PARD3B: variants seen among roughly 807,000 people sequenced by gnomAD.
PARD3B encodes the protein par-3 family cell polarity regulator beta.
A neutral mutation model predicts 130.2 loss-of-function variants in PARD3B; 103 were observed. The observed-to-expected ratio is 0.79, with a 90% CI of 0.67 to 0.93. The LOEUF is 0.93. Among genes scored for constraint, PARD3B ranks in the 40% least tolerant of loss-of-function variants. PARD3B has a pLI of 0.00. For synonymous variants in PARD3B, 583 were observed against 553.2 expected (o/e 1.05, Z -0.76); for missense variants, 1,609 against 1,499.2 (o/e 1.07, Z -1.21).
At chr2:205,028,404 T>C (rs1019819175) in intron 3 of PARD3B, among the ~76,000 whole-genome samples, 2 of 152,192 alleles carry the variant, frequency 1.3e-5, no homozygotes, top group African/African-American at 4.8e-5. Flanking sequence ...CAACATTCTT[T>C]CATGATAACA....
intron 15 of PARD3B, among the ~76,000 whole-genome samples, chr2:205,224,197 C>T (rs1177572387): frequency 3.4e-5 from 5 of 148,956 alleles, no homozygotes; most frequent in African/African-American, 9.9e-5. Flanking sequence ...GTTGAAACCC[C>T]GTCTCTACTA....
chr2:205,400,509 T>G (rs1367719198), intron 18 of PARD3B, among the ~76,000 whole-genome samples: 7 of 151,962 alleles, frequency 4.6e-5, no homozygotes, highest in Admixed American at 4.6e-4. Flanking sequence ...GGCATGGTGG[T>G]GTGAACCTGT....
chr2:205,543,455 C>T (rs1429332056), intron 21 of PARD3B, among the ~76,000 whole-genome samples: 2 of 152,170 alleles, frequency 1.3e-5, no homozygotes, highest in African/African-American at 4.8e-5. Context: ...CTATTTTACA[C>T]GTCCCATCGC....
At chr2:205,019,963 G>A (rs1696470465) in intron 3 of PARD3B, among the ~76,000 whole-genome samples, 1 of 152,014 alleles carries the variant, frequency 6.6e-6, no homozygotes. Flanking sequence ...CAGAAGAAAG[G>A]CAGGGGTGTG....
intron 2 of PARD3B, among the ~76,000 whole-genome samples, chr2:204,725,694 C>T (rs1559091769): frequency 1.3e-5 from 2 of 152,182 alleles, no homozygotes; most frequent in South Asian, 2.1e-4. Flanking sequence ...ATATGTGCAC[C>T]CACTATTTAG....
intron 2 of PARD3B, among the ~76,000 whole-genome samples, chr2:204,835,231 C>T (rs905307496): frequency 2.0e-5 from 3 of 152,342 alleles, no homozygotes; most frequent in African/African-American, 4.8e-5. Flanking sequence ...GCTCACGTTC[C>T]ACTGGGTAGA....
At chr2:205,084,946 C>A (rs1459361385) in intron 4 of PARD3B, among the ~76,000 whole-genome samples, 1 of 151,928 alleles carries the variant, frequency 6.6e-6, no homozygotes, top group African/African-American at 2.4e-5. Context: ...TTATTAGATG[C>A]CACTTTCTAT....
intron 3 of PARD3B, among the ~76,000 whole-genome samples, chr2:204,986,138 G>T (rs1693129886): frequency 6.7e-6 from 1 of 149,970 alleles, no homozygotes; most frequent in African/African-American, 2.4e-5. Context: ...AGCTTATCTG[G>T]GCCCATATGC....
In PARD3B at chr2:205,288,325, A is replaced by G. The variant is rs1375577889; in HGVS notation, c.2186-12205A>G. ...AAATAGTTCTGTTCATTTTGAGGACAGATGACTAACCATGCTAAAAATGTA... is the reference window on the plus strand; with the variant it reads ...AAATAGTTCTGTTCATTTTGAGGACGGATGACTAACCATGCTAAAAATGTA... On this transcript the variant is annotated intron_variant, in intron 16 of 22. Transcript: ENST00000406610. This position sits in a 1 kb window ranked among gnomAD's most constrained non-coding sequence, Gnocchi z 4.0. Among the ~76,000 whole-genome samples the G allele has an allele frequency of 6.6e-6, 1 of 152,208 alleles. No homozygotes were observed. Among genetic ancestry groups the G allele is most frequent in the East Asian group, 1.9e-4 (1 of 5,190 alleles).
intron 22 of PARD3B, among the ~76,000 whole-genome samples, chr2:205,580,001 C>T (rs1465850628): frequency 6.6e-6 from 1 of 152,136 alleles, no homozygotes; most frequent in Non-Finnish European, 1.5e-5. Context: ...TCATAGATTT[C>T]ACTGACATTC....
chr2:204,695,879 T>C (rs975550749), intron 2 of PARD3B, among the ~76,000 whole-genome samples: 21 of 151,946 alleles, frequency 1.4e-4, no homozygotes, highest in African/African-American at 4.3e-4. Flanking sequence ...GCTGAGAGTA[T>C]AGGGAGAAGT....
chr2:205,529,322 G>A (rs1051163096), intron 21 of PARD3B, among the ~76,000 whole-genome samples: 4 of 152,160 alleles, frequency 2.6e-5, no homozygotes, highest in African/African-American at 9.7e-5. Context: ...ACAACCAGAT[G>A]ATCCATCAGG....
intron 1 of PARD3B, among the ~76,000 whole-genome samples, chr2:204,639,470 C>T (rs1178391900): frequency 1.3e-5 from 2 of 152,084 alleles, no homozygotes; most frequent in African/African-American, 2.4e-5. Flanking sequence ...GTGGATTCAA[C>T]GAAATGCAGA....
intron 2 of PARD3B, among the ~76,000 whole-genome samples, chr2:204,808,366 T>G (rs2042849010): frequency 6.6e-6 from 1 of 152,088 alleles, no homozygotes; most frequent in Non-Finnish European, 1.5e-5. Context: ...GATTCAGGAG[T>G]ACACATACAG....
At chr2:204,700,001 A>G (rs548677627) in intron 2 of PARD3B, among the ~76,000 whole-genome samples, 1 of 152,128 alleles carries the variant, frequency 6.6e-6, no homozygotes, top group Non-Finnish European at 1.5e-5. Context: ...CTGTTCCAAG[A>G]AAGTCTAGGT....
intron 21 of PARD3B, among the ~76,000 whole-genome samples, chr2:205,504,977 C>T (rs1238171966): frequency 6.6e-6 from 1 of 152,164 alleles, no homozygotes; most frequent in Non-Finnish European, 1.5e-5. Flanking sequence ...ATAGCAAAGA[C>T]TTGGAACCAA....
intron 1 of PARD3B, among the ~76,000 whole-genome samples, chr2:204,598,843 G>A (rs374642035): frequency 6.6e-6 from 1 of 151,532 alleles, no homozygotes; most frequent in Non-Finnish European, 1.5e-5. Flanking sequence ...CATGTTTTTA[G>A]AACTTTGATA....
chr2:204,883,455 A>ATTTTTTT (rs1348171832), intron 2 of PARD3B, among the ~76,000 whole-genome samples: 10 of 77,278 alleles, frequency 1.3e-4, no homozygotes, highest in South Asian at 1.2e-3. Context: ...ATATATATAT[A>ATTTTTTT]TTTTTTTTTT....
intron 13 of PARD3B, among the ~76,000 whole-genome samples, chr2:205,177,859 T>G (rs1456548103): frequency 6.6e-6 from 1 of 152,120 alleles, no homozygotes; most frequent in Non-Finnish European, 1.5e-5. Context: ...AGTAAATAAT[T>G]TACTCACAAA....
Sources: allele counts gnomAD v4.1 joint callset (sites outside exome capture counted in the v4.1 genomes callset), GRCh38; gene constraint gnomAD v4.1.1; non-coding constraint Gnocchi (gnomAD v3.1); transcripts MANE v1.5; gene names NCBI Gene and HGNC (gene_info 2026-07-23, HGNC 2026-07-21).